The following ZNF469 variants were observed in gnomAD, a reference collection of about 807,000 sequenced individuals.
ZNF469 encodes zinc finger protein 469.
A neutral mutation model predicts 1.0 loss-of-function variants in ZNF469; 1 was observed. That is an observed-to-expected ratio of 1.00 (90% CI 0.35 to 4.73). The LOEUF is 4.73. Ranked by LOEUF, ZNF469 falls within the 30% of genes most tolerant of loss-of-function variation. The pLI is 0.16. For synonymous variants in ZNF469, 2,703 were observed against 2,363.4 expected, an observed-to-expected ratio of 1.14 and a Z score of -4.17; for missense variants, 6,100 against 5,356.3, an observed-to-expected ratio of 1.14 and a Z score of -4.33.
the ZNF469 span, among the ~76,000 whole-genome samples, chr16:88,129,992 C>G: frequency 1.8e-4 from 28 of 152,250 alleles, no homozygotes; most frequent in African/African-American, 6.5e-4. Flanking sequence ...TGCTTGTGAT[C>G]AAGTCCTGGT....
chr16:88,134,262 G>A, the ZNF469 span, among the ~76,000 whole-genome samples: 84,998 of 152,148 alleles, frequency 0.56, 28,140 homozygotes, highest in Non-Finnish European at 0.76. Context: ...CCATCCTTCT[G>A]CGTCGGGACA....
At chr16:88,311,673 C>T in the ZNF469 span, among the ~76,000 whole-genome samples, 4 of 152,176 alleles carry the variant, frequency 2.6e-5, no homozygotes, top group African/African-American at 2.4e-5. Flanking sequence ...TGCAGCGTTG[C>T]AGAGACAGTC....
At chr16:88,272,317 G>T in the ZNF469 span, among the ~76,000 whole-genome samples, 1 of 128,040 alleles carries the variant, frequency 7.8e-6, no homozygotes, top group Non-Finnish European at 1.7e-5. Flanking sequence ...GAGGATGTAT[G>T]CATGCTGGGT....
At chr16:88,382,487 C>T (rs1599341309), upstream of ZNF469, among the ~76,000 whole-genome samples, 1 of 152,212 alleles carries the variant, frequency 6.6e-6, no homozygotes, top group Non-Finnish European at 1.5e-5. Context: ...TTAGCTCCCA[C>T]CTATGAGAAA....
chr16:88,205,644 G>C, the ZNF469 span, among the ~76,000 whole-genome samples: 2 of 152,146 alleles, frequency 1.3e-5, no homozygotes, highest in African/African-American at 2.4e-5. The surrounding 1 kb of genome is among the most constrained non-coding windows in gnomAD (Gnocchi z 4.2). Context: ...GGCGGTAACA[G>C]CAGCACAGTA....
chr16:88,141,722 A>T, the ZNF469 span, among the ~76,000 whole-genome samples: 22 of 152,192 alleles, frequency 1.4e-4, no homozygotes, highest in Non-Finnish European at 2.9e-4. Flanking sequence ...GGGAGGCGGG[A>T]GGCCAGGGGC....
At chr16:88,185,492 CTA>C in the ZNF469 span, among the ~76,000 whole-genome samples, 1 of 149,450 alleles carries the variant, frequency 6.7e-6, no homozygotes, top group Non-Finnish European at 1.5e-5. Flanking sequence ...ACTCACATGA[CTA>C]TAATACATGC....
the ZNF469 span, among the ~76,000 whole-genome samples, chr16:88,286,575 C>T: frequency 7.9e-5 from 12 of 152,392 alleles, no homozygotes; most frequent in African/African-American, 2.6e-4. Context: ...TGGGCCCCTG[C>T]CAGGGCTTTG....
rs767192305 is a variant in ZNF469, at chr16:88,435,766, G to A, written c.8296G>A (p.Val2766Met). 6.4e-7 allele frequency: 1 copy of A among 1,550,790 alleles called. No homozygotes were observed. The highest frequency in any genetic ancestry group is 1.2e-5 in the South Asian group (1 of 84,060). Reference sequence around the variant, plus strand: ...ACCAAGAGAGACCAAGGCGTTGGGTGTGTGCAAAGAGTCTGGGAGCGAGCC... The same window carrying A: ...ACCAAGAGAGACCAAGGCGTTGGGTATGTGCAAAGAGTCTGGGAGCGAGCC... ...WGPRETKALG[V>M]CKESGSEPAE... The change falls in exon 3 of 3, where the codon GTG becomes ATG. Residue 2766 changes from valine to methionine, a missense_variant. Physicochemically the swap from Val to Met is conservative, Grantham distance 21 (BLOSUM62 1). Coordinates refer to ENST00000565624, the MANE Select transcript of ZNF469 (RefSeq NM_001367624.2).
chr16:88,304,095 G>C, the ZNF469 span, among the ~76,000 whole-genome samples: 1 of 152,218 alleles, frequency 6.6e-6, no homozygotes, highest in East Asian at 1.9e-4. Context: ...CTTGTTCTGG[G>C]AGGAGGACTT....
At chr16:88,254,100 A>C in the ZNF469 span, among the ~76,000 whole-genome samples, 1 of 152,138 alleles carries the variant, frequency 6.6e-6, no homozygotes, top group Non-Finnish European at 1.5e-5. Context: ...CCAACATCAC[A>C]AAGATATTCT....
the ZNF469 span, among the ~76,000 whole-genome samples, chr16:88,139,771 C>A: frequency 9.9e-5 from 15 of 152,132 alleles, no homozygotes; most frequent in Non-Finnish European, 1.5e-4. Context: ...AAAGAAGTTT[C>A]CCATAAGAAA....
chr16:88,133,118 G>C, the ZNF469 span, among the ~76,000 whole-genome samples: 194 of 152,312 alleles, frequency 1.3e-3, no homozygotes, highest in South Asian at 0.029. Context: ...CACTGCCTGC[G>C]ATCAACATCA....
chr16:88,397,946 T>TCCA (rs1199527824), intron 1 of ZNF469, among the ~76,000 whole-genome samples: 1 of 152,164 alleles, frequency 6.6e-6, no homozygotes, highest in Non-Finnish European at 1.5e-5. Context: ...GGCTCTCAGG[T>TCCA]CCAGGGTCAG....
chr16:88,381,148 ACT>A (rs1434773130), upstream of ZNF469, among the ~76,000 whole-genome samples: 74 of 142,428 alleles, frequency 5.2e-4, no homozygotes, highest in Middle Eastern at 8.1e-3. Context: ...TCACACACAC[ACT>A]CACACACAGA....
At chr16:88,401,538 G>GATGGATGGATGGATGT (rs1567501602) in intron 1 of ZNF469, among the ~76,000 whole-genome samples, 1 of 82,284 alleles carries the variant, frequency 1.2e-5, no homozygotes. Context: ...TGGATGCATG[G>GATGGATGGATGGATGT]GTGGATGGAT....
the ZNF469 span, among the ~76,000 whole-genome samples, chr16:88,257,518 A>T: frequency 6.6e-6 from 1 of 152,204 alleles, no homozygotes; most frequent in East Asian, 1.9e-4. Flanking sequence ...GTTTTAATGA[A>T]GTCCAGCTTA....
intron 1 of ZNF469, among the ~76,000 whole-genome samples, chr16:88,388,042 G>A (rs1904384186): frequency 6.6e-6 from 1 of 152,280 alleles, no homozygotes; most frequent in South Asian, 2.1e-4. Context: ...CAAGTGGGGT[G>A]CACAGCACCT....
chr16:88,168,925 C>T, the ZNF469 span, among the ~76,000 whole-genome samples: 1 of 152,158 alleles, frequency 6.6e-6, no homozygotes, highest in East Asian at 1.9e-4. This position sits in a 1 kb window ranked among gnomAD's most constrained non-coding sequence, Gnocchi z 4.3. Context: ...GTGAGACCCC[C>T]CCCTCTACAA....
Sources: gnomAD v4.1 joint callset for allele counts (sites outside exome capture counted in the v4.1 genomes callset) on GRCh38, gnomAD v4.1.1 for gene constraint, Gnocchi (gnomAD v3.1) non-coding constraint, MANE v1.5 for transcripts, NCBI Gene and HGNC (gene_info 2026-07-23, HGNC 2026-07-21) for gene names.